Variants in DNAH6 observed in about 807,000 individuals in gnomAD.
DNAH6 encodes the protein axonemal beta dynein heavy chain 6.
DNAH6 carries 340 observed loss-of-function variants against 491.4 expected under a neutral mutation model. The observed-to-expected ratio is 0.69, with a 90% CI of 0.63 to 0.76. DNAH6 has a LOEUF of 0.76. Ranked by LOEUF, DNAH6 falls within the 30% of genes least tolerant of loss-of-function variation. The probability of loss-of-function intolerance (pLI) is 0.00; values close to 1 mark genes in which losing one functional copy is unlikely to be tolerated. For missense variants in DNAH6, 4,443 were observed against 4,972.2 expected, an observed-to-expected ratio of 0.89 and a Z score of 3.20; for synonymous variants, 1,603 against 1,686.1, an observed-to-expected ratio of 0.95 and a Z score of 1.21.
At chr2:84,797,463 A>G in intron 69 of DNAH6, 74 bp from the exon 70 acceptor site, 1 of 1,463,734 alleles carries the variant, frequency 6.8e-7, no homozygotes, top group South Asian at 1.4e-5. Flanking sequence ...TGCACCACAC[A>G]AAGAAAAATC....
chr2:84,734,171 G>A (rs569588395), intron 62 of DNAH6, among the ~76,000 whole-genome samples: 11 of 135,724 alleles, frequency 8.1e-5, no homozygotes, highest in Non-Finnish European at 1.1e-4. Context: ...TTTTTGAGAC[G>A]GAGTCTTGTT....
intron 37 of DNAH6, 38 bp from the exon 38 acceptor site, chr2:84,669,251 A>T (rs1380894044): frequency 6.9e-7 from 1 of 1,454,320 alleles, no homozygotes; most frequent in Non-Finnish European, 9.4e-7. Context: ...AATATTGCTT[A>T]TTCCCTATTG....
At chr2:84,611,064 T>TG (rs1198443997) in intron 21 of DNAH6, among the ~76,000 whole-genome samples, 2 of 152,124 alleles carry the variant, frequency 1.3e-5, no homozygotes, top group African/African-American at 4.8e-5. Context: ...CATGCAGTAA[T>TG]AGCAGGAGGC....
intron 37 of DNAH6, among the ~76,000 whole-genome samples, chr2:84,666,461 GACAA>G (rs533909492): frequency 2.6e-5 from 4 of 152,194 alleles, no homozygotes; most frequent in Middle Eastern, 3.4e-3. Flanking sequence ...ACCAATAAGA[GACAA>G]ACAGAGAGCC....
chr2:84,459,620 T>G, the DNAH6 span: 1 of 263,798 alleles, frequency 3.8e-6, no homozygotes, highest in South Asian at 4.7e-5. Context: ...AGAGCGGCAG[T>G]GAGACCGGGG....
At chr2:84,728,485 G>A (rs956298693) in intron 61 of DNAH6, among the ~76,000 whole-genome samples, 2 of 152,160 alleles carry the variant, frequency 1.3e-5, no homozygotes, top group African/African-American at 4.8e-5. Context: ...CCTCTGTATG[G>A]TGTACTATCC....
intron 29 of DNAH6, among the ~76,000 whole-genome samples, chr2:84,633,417 G>T (rs891586522): frequency 6.6e-5 from 10 of 152,012 alleles, no homozygotes; most frequent in Admixed American, 1.3e-4. Context: ...AGTCTGCTTG[G>T]GGTGAGAGGA....
intron 21 of DNAH6, among the ~76,000 whole-genome samples, chr2:84,607,413 A>G (rs1413846086): frequency 6.6e-6 from 1 of 152,176 alleles, no homozygotes; most frequent in Non-Finnish European, 1.5e-5. Context: ...TTCCAAGAAC[A>G]TATAAAAGTT....
chr2:84,596,805 C>G (rs78692546), intron 18 of DNAH6, among the ~76,000 whole-genome samples: 6,157 of 152,126 alleles, frequency 0.04, 397 homozygotes, highest in African/African-American at 0.14. Context: ...AAACACTTTC[C>G]CAAGTTGTTT....
the DNAH6 span, among the ~76,000 whole-genome samples, chr2:84,467,533 A>G: frequency 6.6e-6 from 1 of 152,226 alleles, no homozygotes; most frequent in Non-Finnish European, 1.5e-5. Context: ...CCAAGGCCGT[A>G]CCTTACTTAA....
intron 59 of DNAH6, 94 bp downstream of exon 59, chr2:84,718,478 G>T: frequency 9.4e-7 from 1 of 1,058,474 alleles, no homozygotes; most frequent in Non-Finnish European, 1.3e-6. Flanking sequence ...TTTAAAGCAA[G>T]ACGGGGGCCA....
the DNAH6 span, among the ~76,000 whole-genome samples, chr2:84,485,165 A>G: frequency 6.6e-6 from 1 of 152,178 alleles, no homozygotes; most frequent in Non-Finnish European, 1.5e-5. Context: ...TTAAAACAAT[A>G]ATGTGTTGAA....
chr2:84,818,033 C>G (rs1335453924), intron 76 of DNAH6, among the ~76,000 whole-genome samples: 1 of 152,116 alleles, frequency 6.6e-6, no homozygotes, highest in Non-Finnish European at 1.5e-5. Context: ...ACTATAGAAG[C>G]CTGGCATAAA....
intron 2 of DNAH6, among the ~76,000 whole-genome samples, chr2:84,522,045 C>A (rs550733879): frequency 6.6e-6 from 1 of 152,190 alleles, no homozygotes; most frequent in Admixed American, 6.5e-5. Context: ...AGCCTTATAT[C>A]TGTAAATTGC....
chr2:84,619,724 G>A lies in DNAH6; in HGVS notation c.3612G>A (p.Leu1204=). The A allele has an allele frequency of 6.4e-7, 1 of 1,551,536 alleles. No individual in the cohort carries two copies. Among genetic ancestry groups the A allele is most frequent in the Non-Finnish European group, 8.7e-7 (1 of 1,146,802 alleles). The part of the protein sequence containing the change: ...FLSNDELLEI[L]AQTRNPQAVQ... ...CAAATGATGAACTTCTGGAGATTTT[G>A]GCCCAGACACGAAATCCACAGGCCG... The change falls in exon 24 of 77, where the codon TTG becomes TTA. Residue 1204 remains leucine, a synonymous_variant. Transcript: ENST00000389394.
intron 63 of DNAH6, among the ~76,000 whole-genome samples, chr2:84,754,961 A>G (rs1481692335): frequency 2.0e-5 from 3 of 152,214 alleles, no homozygotes; most frequent in African/African-American, 7.2e-5. Flanking sequence ...AACTTTATCC[A>G]ACAATATTTC....
intron 26 of DNAH6, among the ~76,000 whole-genome samples, chr2:84,622,458 T>C (rs949875572): frequency 6.6e-6 from 1 of 152,188 alleles, no homozygotes; most frequent in African/African-American, 2.4e-5. Flanking sequence ...TCTCACTGTA[T>C]TGCTCAGGCT....
At chr2:84,676,854 A>G in intron 40 of DNAH6, 151 bp from the exon 41 acceptor site, 1 of 859,160 alleles carries the variant, frequency 1.2e-6, no homozygotes, top group Non-Finnish European at 1.8e-6. Context: ...AATTATAGTG[A>G]TCTCTTGGAG....
chr2:84,686,476 T>C lies in DNAH6; in HGVS notation c.7064-8T>C. The C allele has an allele frequency of 6.7e-7, 1 of 1,496,092 alleles. No individual in the cohort carries two copies. Among genetic ancestry groups the C allele is most frequent in the Non-Finnish European group, 9.1e-7 (1 of 1,100,080 alleles). 92.7% of individuals were successfully genotyped at this position (1,496,092 alleles called of 1,614,324 possible). The stretch of plus-strand genomic sequence containing the variant: ...TATATTTAAAACTTGGTTTTGTTCT[T>C]TAAATAGACAAACATTTTGGAATTG... On this transcript the variant is annotated splice_region_variant and splice_polypyrimidine_tract_variant and intron_variant, in intron 43 of 76. Coordinates refer to ENST00000389394, the MANE Select transcript of DNAH6 (RefSeq NM_001370.2).
Sources: allele counts gnomAD v4.1 joint callset (sites outside exome capture counted in the v4.1 genomes callset), GRCh38; gene constraint gnomAD v4.1.1; transcripts MANE v1.5; gene names NCBI Gene and HGNC (gene_info 2026-07-23, HGNC 2026-07-21).